The following MEFV variants were observed in gnomAD, a reference collection of about 807,000 sequenced individuals.
The protein encoded by MEFV is pyrin.
Under a neutral mutation model 62.5 loss-of-function variants are expected in MEFV, and 60 were observed. That is an observed-to-expected ratio of 0.96 (90% CI 0.78 to 1.19). The LOEUF is 1.19. Ranked by LOEUF, MEFV falls within the 50% of genes most tolerant of loss-of-function variation. The pLI is 0.00. For synonymous variants in MEFV, 500 were observed against 415.2 expected, an observed-to-expected ratio of 1.20 and a Z score of -2.48; for missense variants, 1,169 against 1,004.5, an observed-to-expected ratio of 1.16 and a Z score of -2.21.
In MEFV at chr16:3,243,005, C is replaced by T. The variant is rs1958879391; in HGVS notation, c.*136G>A. The T allele has an allele frequency of 1.0e-6, 1 of 983,764 alleles. No individual in the cohort carries two copies. Among genetic ancestry groups the T allele is most frequent in the Non-Finnish European group, 1.6e-6 (1 of 644,956 alleles). The allele number at this position is 983,764 out of a possible 1,614,324, so 60.9% of individuals were successfully genotyped here. Reference sequence around the variant, plus strand: ...CTTACCTCTGCTATAATCGGGTAGGCTCCGTGGGCACAGTAACTATTTTGT... The same window carrying T: ...CTTACCTCTGCTATAATCGGGTAGGTTCCGTGGGCACAGTAACTATTTTGT... On this transcript the variant is annotated 3_prime_UTR_variant, in exon 10 of 10. Transcript: ENST00000219596.
rs536153063 is a variant in MEFV at position 3,246,192 on chromosome 16, G to A, written c.1610+333C>T. The stretch of plus-strand genomic sequence containing the variant: ...CCAAACAAGCTTCCCAAGGCCACCA[G>A]TAGGCCTGAAGGGGCAGCTTTCATC... On this transcript the variant is annotated intron_variant, in intron 6 of 9. Transcript: ENST00000219596. Among the ~76,000 whole-genome samples the A allele has an allele frequency of 4.6e-5, 7 of 152,250 alleles. No homozygotes were observed. In the South Asian group the frequency reaches 8.3e-4, roughly 18 times the overall value.
chr16:3,249,919 C>T (rs936871752), intron 2 of MEFV, 139 bp from the exon 3 acceptor site: 11 of 739,300 alleles, frequency 1.5e-5, no homozygotes, highest in Middle Eastern at 2.5e-4. Context: ...CCTAGCTTGT[C>T]CTCCCCCGAC....
Position 3,249,825 on chromosome 16 carries a change from T to C in MEFV, c.911-45A>G, listed in dbSNP as rs1213491672. The C allele has an allele frequency of 2.0e-6, 3 of 1,526,970 alleles. No individual in the cohort carries two copies. The Admixed American group carries it at 5.3e-5, about 27-fold the overall frequency. The allele number at this position is 1,526,970 out of a possible 1,614,324, so 94.6% of individuals were successfully genotyped here. A position where few individuals can be genotyped will look rare whatever the true frequency, so the allele number is the denominator to read the frequency against. ...AAACCCCCTGAATGGCAAACCCAAG[T>C]TGCTTACACAGAGGTATCACAAAGC... On this transcript the variant is annotated intron_variant, in intron 2 of 9. Transcript: ENST00000219596.
chr16:3,254,443 A>C lies in MEFV; in HGVS notation c.625T>G (p.Ser209Ala). 1 of 1,609,792 alleles carries C rather than the reference A, an allele frequency of 6.2e-7. No individual in the cohort carries two copies. The highest frequency in any genetic ancestry group is 8.5e-7 in the Non-Finnish European group (1 of 1,178,124). ...AEVRLRRNAS[S>A]AGRLQGLAGG... ...GCCAGCCCCTGCAGCCTCCCCGCGG[A>C]GCTGGCGTTTCTGCGCAGCCGGACC... is the stretch of plus-strand genomic sequence containing the variant. The change falls in exon 2 of 10, where the codon TCC becomes GCC. Residue 209 changes from serine (S) to alanine (A), a missense_variant. Physicochemically the swap from Ser to Ala is moderately conservative, Grantham distance 99. Transcript: ENST00000219596.
chr16:3,249,133 G>A, intron 3 of MEFV, 129 bp from the exon 4 acceptor site: 1 of 940,542 alleles, frequency 1.1e-6, no homozygotes, highest in Non-Finnish European at 1.7e-6. Flanking sequence ...GCATGGGGAG[G>A]GGTGCTCAGG....
chr16:3,255,413 T>C (rs898370675), intron 1 of MEFV, among the ~76,000 whole-genome samples: 5 of 152,114 alleles, frequency 3.3e-5, no homozygotes, highest in Non-Finnish European at 7.4e-5. Flanking sequence ...CTCTCTCTCT[T>C]ATTTTATTTT....
At chr16:3,252,949 C>CAAA (rs5815167) in intron 2 of MEFV, among the ~76,000 whole-genome samples, 3 of 51,634 alleles carry the variant, frequency 5.8e-5, no homozygotes, top group African/African-American at 8.1e-5. Flanking sequence ...GACTCTGTCT[C>CAAA]AAAAAAAAAA....
At position 3,256,183 on chromosome 16, in the gene MEFV, CT is replaced by C. The variant is rs749908924; in HGVS notation, c.277+127del. On this transcript the variant is annotated intron_variant, in intron 1 of 9. Coordinates refer to ENST00000219596, the MANE Select transcript of MEFV (RefSeq NM_000243.3). ...AGGGACGTTCCTGAACTAAAGTCAT[CT>C]GGATTTTGGTAGACCTGAGACTCCC... The C allele has an allele frequency of 6.7e-5, 77 of 1,144,844 alleles. No individual in the cohort carries two copies. In the South Asian group the frequency reaches 9.6e-4, roughly 14 times the overall value. The allele number at this position is 1,144,844 out of a possible 1,614,324, so 70.9% of individuals were successfully genotyped here. A position where few individuals can be genotyped will look rare whatever the true frequency, so the allele number is the denominator to read the frequency against.
chr16:3,256,560 G>A lies in MEFV; in HGVS notation c.28C>T (p.Leu10=). The A allele has an allele frequency of 1.2e-6, 2 of 1,614,236 alleles. No homozygotes were observed. Among genetic ancestry groups the A allele is most frequent in the Non-Finnish European group, 1.7e-6 (2 of 1,180,042 alleles). ...GGCACCAGCTCCTCCAGGGTGGACA[G>A]CAGATGGTCACTAGGGGTCTTAGCC... MAKTPSDHL[L]STLEELVPYD... Residue 10 remains leucine, a synonymous_variant, in exon 1 of 10, where the codon CTG becomes TTG. Transcript: ENST00000219596.
At chr16:3,251,627 G>C (rs1026398816) in intron 2 of MEFV, among the ~76,000 whole-genome samples, 9 of 152,174 alleles carry the variant, frequency 5.9e-5, no homozygotes, top group African/African-American at 2.2e-4. Context: ...TAGGACTTTA[G>C]CCAATAGGCT....
chr16:3,254,118 T>A (rs762309526), intron 2 of MEFV, 40 bp downstream of exon 2: 1 of 1,608,620 alleles, frequency 6.2e-7, no homozygotes, highest in Non-Finnish European at 8.5e-7. Context: ...AGCCATTCTT[T>A]CTCTGCAGCC....
intron 2 of MEFV, among the ~76,000 whole-genome samples, chr16:3,251,202 CCT>C (rs1212648767): frequency 2.6e-5 from 4 of 152,088 alleles, no homozygotes; most frequent in Admixed American, 6.6e-5. Flanking sequence ...TCCACGTTTC[CCT>C]GTTTCCCTGC....
At chr16:3,251,483 C>A (rs934534839) in intron 2 of MEFV, among the ~76,000 whole-genome samples, 2 of 152,168 alleles carry the variant, frequency 1.3e-5, no homozygotes, top group Non-Finnish European at 1.5e-5. Context: ...GCCCACGGAT[C>A]TGCCTGGGAC....
chr16:3,254,140 G>T lies in MEFV; in HGVS notation c.910+18C>A. 1 of 1,613,282 alleles carries T rather than the reference G, an allele frequency of 6.2e-7. No individual in the cohort carries two copies. Reference sequence around the variant, plus strand: ...CTTTCTCTGCAGCCGATATAAAGTAGGAAAGAACACAATTTACCGGTGACC... The same window carrying T: ...CTTTCTCTGCAGCCGATATAAAGTATGAAAGAACACAATTTACCGGTGACC... On this transcript the variant is annotated intron_variant, in intron 2 of 9. Transcript: ENST00000219596.
intron 5 of MEFV, 58 bp downstream of exon 5, chr16:3,246,958 C>G: frequency 6.6e-7 from 1 of 1,507,744 alleles, no homozygotes; most frequent in Non-Finnish European, 9.2e-7. Context: ...GAGCTGGGAG[C>G]CTGAGGCATC....
intron 5 of MEFV, 76 bp from the exon 6 acceptor site, chr16:3,246,623 G>T: frequency 6.4e-7 from 1 of 1,551,070 alleles, no homozygotes; most frequent in Non-Finnish European, 8.9e-7. Context: ...CTACTTCTGG[G>T]CTCCTGGACT....
intron 4 of MEFV, chr16:3,248,686 T>G (rs1237487881): frequency 1.8e-4 from 243 of 1,370,680 alleles, no homozygotes; most frequent in Non-Finnish European, 2.1e-4. Flanking sequence ...CTGGTGAGTA[T>G]GAGAAAGCAT....
intron 1 of MEFV, 27 bp from the exon 2 acceptor site, chr16:3,254,817 A>T: frequency 6.2e-7 from 1 of 1,608,052 alleles, no homozygotes. Flanking sequence ...ATGCAAAATG[A>T]TGAAGCTGTC....
In MEFV at chr16:3,254,640, C is replaced by G. The variant is rs104895190; in HGVS notation, c.428G>C (p.Arg143Pro). ...RPYGGGAASLRCSQPEAGRGL... is the reference protein window; with the variant it reads ...RPYGGGAASLPCSQPEAGRGL... ...CCTCCCGGCCTCGGGCTGGCTGCAC[C>G]GCAGGCTGGCAGCTCCGCCCCCGTA... Residue 143 changes from arginine to proline, a missense_variant, in exon 2 of 10, where the codon CGG becomes CCG. Transcript: ENST00000219596. 5 of 1,607,524 alleles carry G rather than the reference C, an allele frequency of 3.1e-6. No homozygotes were observed. Among genetic ancestry groups the G allele is most frequent in the Non-Finnish European group, 4.2e-6 (5 of 1,178,214 alleles).
Sources: gnomAD v4.1 joint callset for allele counts (sites outside exome capture counted in the v4.1 genomes callset) on GRCh38, gnomAD v4.1.1 for gene constraint, MANE v1.5 for transcripts, NCBI Gene and HGNC (gene_info 2026-07-23, HGNC 2026-07-21) for gene names.